Variants in SCYL3 observed in about 807,000 individuals in gnomAD.
SCYL3 encodes protein-associating with the carboxyl-terminal domain of ezrin.
SCYL3 carries 35 observed loss-of-function variants against 73.8 expected under a neutral mutation model. The observed-to-expected ratio is 0.47, with a 90% CI of 0.36 to 0.63. SCYL3 has a LOEUF of 0.63. Among genes scored for constraint, SCYL3 ranks in the 20% least tolerant of loss-of-function variants. The pLI, the probability that SCYL3 is intolerant of heterozygous loss-of-function variation, is 0.00. For missense variants in SCYL3, 712 were observed against 798.9 expected (o/e 0.89, Z 1.31); for synonymous variants, 277 against 295.2 (o/e 0.94, Z 0.63).
intron 11 of SCYL3, among the ~76,000 whole-genome samples, chr1:169,855,212 A>G (rs1659020845): frequency 6.6e-6 from 1 of 152,228 alleles, no homozygotes; most frequent in African/African-American, 2.4e-5. Flanking sequence ...AGTGCATTCA[A>G]TCCTTATTAA....
intron 1 of SCYL3, among the ~76,000 whole-genome samples, chr1:169,890,983 C>T (rs758133833): frequency 6.6e-6 from 1 of 152,188 alleles, no homozygotes; most frequent in Non-Finnish European, 1.5e-5. Context: ...CTTGATCTTG[C>T]CACCTCTTCT....
chr1:169,887,358 T>C (rs1048916302), intron 2 of SCYL3, among the ~76,000 whole-genome samples: 1 of 152,156 alleles, frequency 6.6e-6, no homozygotes, highest in Non-Finnish European at 1.5e-5. Context: ...AAAAACTCGA[T>C]CTAGGTTATT....
At chr1:169,858,947 A>C in intron 11 of SCYL3, 94 bp downstream of exon 11, 2 of 1,076,024 alleles carry the variant, frequency 1.9e-6, no homozygotes, top group African/African-American at 1.6e-5. Context: ...TCTTTATATC[A>C]TTTGACTGAA....
At chr1:169,878,206 T>G (rs183768507) in intron 3 of SCYL3, among the ~76,000 whole-genome samples, 1 of 152,348 alleles carries the variant, frequency 6.6e-6, no homozygotes, top group Admixed American at 6.5e-5. Flanking sequence ...GTATTCTGCC[T>G]CTTCCTAAGA....
At chr1:169,856,090 A>C (rs370484086) in intron 11 of SCYL3, 39 of 751,126 alleles carry the variant, frequency 5.2e-5, no homozygotes, top group African/African-American at 4.8e-4. Context: ...GGAGGAGAGA[A>C]CATCTTCAAA....
In SCYL3 at chr1:169,876,037, C is replaced by T. The variant is rs1458839120; in HGVS notation, c.406G>A (p.Gly136Arg). 6.2e-7 allele frequency: 1 copy of T among 1,611,782 alleles called. No individual in the cohort carries two copies. The highest frequency in any genetic ancestry group is 2.2e-5 in the East Asian group (1 of 44,670). The part of the protein sequence containing the change: ...CLSSVFVSED[G>R]HWKLGGMETV... ...TCCATTCCTCCTAGCTTCCAGTGTC[C>T]ATCTTCACTCACAAACACAGATGAT... Residue 136 changes from glycine (G) to arginine (R), a missense_variant, in exon 4 of 13, where the codon GGA becomes AGA. By Grantham distance (125) the Gly-to-Arg change is moderately radical. Around this residue, in one of 2 missense-constraint regions of SCYL3, gnomAD observed 342 missense variants for 448.1 expected, o/e 0.76. Transcript: ENST00000367771.
rs1658669975 is a variant in SCYL3, at chr1:169,853,313, A to AAGTT, written c.*396_*399dup. On this transcript the variant is annotated 3_prime_UTR_variant, in exon 13 of 13. Coordinates refer to ENST00000367771, the MANE Select transcript of SCYL3 (RefSeq NM_020423.7). ...TATAATTTATAGCTAAAATTTTTTA[A>AAGTT]AGTTGTATTTCATAATAGAGCTTAC... The AAGTT allele has an allele frequency of 3.0e-6, 1 of 338,042 alleles. No homozygotes were observed. The highest frequency in any genetic ancestry group is 5.3e-6 in the Non-Finnish European group (1 of 187,056). The allele number at this position is 338,042 out of a possible 1,614,324, so 20.9% of individuals were successfully genotyped here.
chr1:169,860,185 A>C (rs975247327), intron 10 of SCYL3: 1 of 152,254 alleles, frequency 6.6e-6, no homozygotes, highest in African/African-American at 2.4e-5. Context: ...AGAAGAAAGG[A>C]ATGAAAAACA....
At chr1:169,858,912 G>A in intron 11 of SCYL3, 129 bp downstream of exon 11, 7 of 754,186 alleles carry the variant, frequency 9.3e-6, no homozygotes, top group East Asian at 3.2e-5. Context: ...AGTTCAGAAA[G>A]AGAAATTAAC....
At chr1:169,890,969 A>G (rs1662041357) in intron 1 of SCYL3, among the ~76,000 whole-genome samples, 1 of 152,244 alleles carries the variant, frequency 6.6e-6, no homozygotes, top group Non-Finnish European at 1.5e-5. Context: ...GATTATGCTT[A>G]GCACTTGATC....
chr1:169,866,540 T>G (rs184463344), intron 8 of SCYL3, among the ~76,000 whole-genome samples: 1 of 152,218 alleles, frequency 6.6e-6, no homozygotes, highest in South Asian at 2.1e-4. Flanking sequence ...ACTCAACTGT[T>G]TGCGGTTCCT....
chr1:169,881,923 T>G (rs1457688676), intron 2 of SCYL3, among the ~76,000 whole-genome samples: 1 of 152,200 alleles, frequency 6.6e-6, no homozygotes, highest in Non-Finnish European at 1.5e-5. Context: ...TATGAGAATC[T>G]AATACTGAGA....
Position 169,851,920 on chromosome 1 carries a change from A to G in SCYL3, c.*1793T>C, listed in dbSNP as rs374190475. 1 of 1,613,986 alleles carries G rather than the reference A, an allele frequency of 6.2e-7. No homozygotes were observed. Among genetic ancestry groups the G allele is most frequent in the African/African-American group, 1.3e-5 (1 of 74,926 alleles). ...GCTAATGTGACTGTAGAAGAAGCAAAGAGGTCATCTTTACAGGTATGGGCT... is the reference window on the plus strand; with the variant it reads ...GCTAATGTGACTGTAGAAGAAGCAAGGAGGTCATCTTTACAGGTATGGGCT... On this transcript the variant is annotated 3_prime_UTR_variant, in exon 13 of 13. Coordinates refer to ENST00000367771, the MANE Select transcript of SCYL3 (RefSeq NM_020423.7).
intron 6 of SCYL3, among the ~76,000 whole-genome samples, chr1:169,869,864 T>G (rs1660273932): frequency 6.6e-6 from 1 of 152,156 alleles, no homozygotes; most frequent in Non-Finnish European, 1.5e-5. Context: ...TGAGCTCAAT[T>G]TAACAAAAAA....
At position 169,877,662 on chromosome 1, in the gene SCYL3, C is replaced by T. The variant is rs527940416; in HGVS notation, c.351+972G>A. Among the ~76,000 whole-genome samples the T allele has an allele frequency of 1.1e-3, 167 of 152,262 alleles. 1 individual carries two copies. Among genetic ancestry groups the T allele is most frequent in the African/African-American group, 3.8e-3 (158 of 41,540 alleles). On this transcript the variant is annotated intron_variant, in intron 3 of 12. Coordinates refer to ENST00000367771, the MANE Select transcript of SCYL3 (RefSeq NM_020423.7). Reference sequence around the variant, plus strand: ...CAAAGAACATCTCTGGAATAATACACGAGTTACCACCATTGCCTCTGAAGA... The same window carrying T: ...CAAAGAACATCTCTGGAATAATACATGAGTTACCACCATTGCCTCTGAAGA...
intron 2 of SCYL3, among the ~76,000 whole-genome samples, chr1:169,882,725 T>C (rs989711673): frequency 5.3e-5 from 8 of 152,196 alleles, no homozygotes; most frequent in African/African-American, 1.9e-4. Context: ...ATCCACACTC[T>C]GTATCTAGCT....
At chr1:169,887,133 T>G (rs1014919187) in intron 2 of SCYL3, among the ~76,000 whole-genome samples, 4 of 152,212 alleles carry the variant, frequency 2.6e-5, no homozygotes, top group African/African-American at 4.8e-5. Context: ...ATCACTTTGT[T>G]GCAATTTCAA....
intron 1 of SCYL3, among the ~76,000 whole-genome samples, chr1:169,892,899 G>A (rs372971954): frequency 2.0e-4 from 30 of 152,298 alleles, no homozygotes; most frequent in African/African-American, 7.0e-4. Flanking sequence ...TAGCTTGAAA[G>A]TTCCAAAGAT....
intron 2 of SCYL3, 26 bp downstream of exon 2, chr1:169,888,650 T>G: frequency 6.3e-7 from 1 of 1,587,700 alleles, no homozygotes. Flanking sequence ...AAGTACTAAC[T>G]ATTAAGTCGT....
Sources: allele counts gnomAD v4.1 joint callset (sites outside exome capture counted in the v4.1 genomes callset), GRCh38; gene constraint gnomAD v4.1.1; regional missense constraint gnomAD v4.1.1; transcripts MANE v1.5; gene names NCBI Gene and HGNC (gene_info 2026-07-23, HGNC 2026-07-21).